ARHGEF28: variants seen among roughly 807,000 people sequenced by gnomAD.
ARHGEF28 encodes Rho guanine nucleotide exchange factor 28.
Under a neutral mutation model 206.6 loss-of-function variants are expected in ARHGEF28, and 152 were observed. The observed-to-expected ratio is 0.74, with a 90% confidence interval of 0.64 to 0.84. The LOEUF (loss-of-function observed/expected upper bound fraction) is 0.84. Among genes scored for constraint, ARHGEF28 ranks in the 40% least tolerant of loss-of-function variants. The probability of loss-of-function intolerance (pLI) is 0.00; values close to 1 mark genes in which losing one functional copy is unlikely to be tolerated. For synonymous variants in ARHGEF28, 763 were observed against 776.4 expected, an observed-to-expected ratio of 0.98 and a Z score of 0.29; for missense variants, 2,028 against 2,073.2, an observed-to-expected ratio of 0.98 and a Z score of 0.42.
intron 9 of ARHGEF28, among the ~76,000 whole-genome samples, chr5:73,828,254 A>G (rs1039905608): frequency 6.6e-6 from 1 of 152,192 alleles, no homozygotes; most frequent in African/African-American, 2.4e-5. Context: ...TGTTGAAGTT[A>G]ATAAAGGAGT....
chr5:73,913,747 G>C (rs1224357321), intron 35 of ARHGEF28, among the ~76,000 whole-genome samples: 1 of 152,186 alleles, frequency 6.6e-6, no homozygotes. Flanking sequence ...CACTACTGAG[G>C]ATCTCCATAG....
intron 21 of ARHGEF28, among the ~76,000 whole-genome samples, chr5:73,872,278 A>G (rs866200544): frequency 4.7e-4 from 71 of 152,226 alleles, no homozygotes; most frequent in African/African-American, 1.6e-3. Flanking sequence ...GGCCATTTGT[A>G]TATCCTTTTG....
chr5:73,932,954 G>A (rs1305521936), intron 35 of ARHGEF28, among the ~76,000 whole-genome samples: 5 of 151,294 alleles, frequency 3.3e-5, no homozygotes, highest in Non-Finnish European at 7.4e-5. Flanking sequence ...GACTACAGGC[G>A]CGCGCCACCA....
At chr5:73,803,110 G>T (rs574560550) in intron 9 of ARHGEF28, among the ~76,000 whole-genome samples, 1 of 152,256 alleles carries the variant, frequency 6.6e-6, no homozygotes, top group African/African-American at 2.4e-5. Flanking sequence ...CTTACTTGAA[G>T]CATGGGCAAG....
chr5:73,661,163 G>T (rs1359499931), intron 1 of ARHGEF28, among the ~76,000 whole-genome samples: 1 of 152,232 alleles, frequency 6.6e-6, no homozygotes, highest in African/African-American at 2.4e-5. Context: ...ATAACTTGCT[G>T]CAGAGTCTAC....
chr5:73,714,001 G>T (rs1749419727), intron 2 of ARHGEF28, among the ~76,000 whole-genome samples: 2 of 152,138 alleles, frequency 1.3e-5, no homozygotes, highest in Admixed American at 6.5e-5. Flanking sequence ...TTGGATTTTA[G>T]ACCTAAATAA....
chr5:73,862,506 C>G (rs1759458272), intron 16 of ARHGEF28, among the ~76,000 whole-genome samples: 2 of 152,058 alleles, frequency 1.3e-5, no homozygotes, highest in Admixed American at 6.6e-5. Context: ...GGTCCTTGCT[C>G]TTTTCCTTGA....
In ARHGEF28 at chr5:73,909,653, G is replaced by A; in HGVS notation, c.4403G>A (p.Arg1468Lys). ...CEQQQRAQAT[R>K]ESWLQERERE... is the part of the protein sequence containing the mutation. ...CAGCAGCAGCGGGCGCAGGCGACCA[G>A]GGAGAGCTGGCTGCAGGAGCGGGAG... The change falls in exon 34 of 36, where the codon AGG (arginine) becomes AAG (lysine). Residue 1468 changes from arginine to lysine, a missense_variant. Coordinates refer to ENST00000513042, the MANE Select transcript of ARHGEF28 (RefSeq NM_001177693.2). 2 of 1,546,420 alleles carry A rather than the reference G, an allele frequency of 1.3e-6. No individual in the cohort carries two copies. The highest frequency in any genetic ancestry group is 2.4e-5 in the East Asian group (1 of 40,864).
chr5:73,854,289 T>C lies in ARHGEF28; in HGVS notation c.1790+1597T>C, dbSNP rs1395566702. ...TCTCTTATTTGTATTAATCACTTAG[T>C]TTCTAGAAAAGGGGACATCCATGTA... On this transcript the variant is annotated intron_variant, in intron 14 of 35. Transcript: ENST00000513042. 3.9e-5 allele frequency among the ~76,000 whole-genome samples: 6 copies of C among 152,306 alleles called. No homozygotes were observed. The East Asian group carries it at 1.2e-3, about 29-fold the overall frequency.
At chr5:73,799,289 A>G (rs147853122) in intron 9 of ARHGEF28, among the ~76,000 whole-genome samples, 1 of 152,344 alleles carries the variant, frequency 6.6e-6, no homozygotes, top group African/African-American at 2.4e-5. Context: ...CTGGAATCCC[A>G]ATTGCAAACA....
intron 1 of ARHGEF28, among the ~76,000 whole-genome samples, chr5:73,677,467 C>G (rs1746779593): frequency 6.6e-6 from 1 of 152,196 alleles, no homozygotes. Context: ...GTTTTATAGT[C>G]ATTCTGCCTT....
chr5:73,826,008 G>C (rs1245664912), intron 9 of ARHGEF28, among the ~76,000 whole-genome samples: 1 of 152,148 alleles, frequency 6.6e-6, no homozygotes, highest in Non-Finnish European at 1.5e-5. Context: ...AGAGAGTGGA[G>C]TTTGAGGACT....
chr5:73,816,703 C>T (rs766280966), intron 9 of ARHGEF28, among the ~76,000 whole-genome samples: 2 of 152,166 alleles, frequency 1.3e-5, no homozygotes, highest in African/African-American at 4.8e-5. Flanking sequence ...ATGCCTTCAG[C>T]GGGAAGGTAA....
At chr5:73,857,071 T>C (rs1759090336) in intron 14 of ARHGEF28, among the ~76,000 whole-genome samples, 1 of 152,182 alleles carries the variant, frequency 6.6e-6, no homozygotes, top group South Asian at 2.1e-4. Context: ...GGAGTATCCA[T>C]AGCCTCTCTC....
intron 11 of ARHGEF28, among the ~76,000 whole-genome samples, chr5:73,841,627 C>A (rs1757993725): frequency 6.6e-6 from 1 of 150,424 alleles, no homozygotes; most frequent in Non-Finnish European, 1.5e-5. Flanking sequence ...ATCGCTTGAA[C>A]CTGGGAGGCA....
intron 2 of ARHGEF28, among the ~76,000 whole-genome samples, chr5:73,708,884 CTT>C (rs1360714463): frequency 1.3e-5 from 2 of 152,140 alleles, no homozygotes; most frequent in African/African-American, 4.8e-5. Context: ...TATTTTTTGA[CTT>C]TTTAATAGTA....
intron 4 of ARHGEF28, among the ~76,000 whole-genome samples, chr5:73,767,533 G>A (rs2112435179): frequency 6.6e-6 from 1 of 152,240 alleles, no homozygotes; most frequent in South Asian, 2.1e-4. Flanking sequence ...ACAGCATTTT[G>A]CTCCTGTGCT....
chr5:73,682,389 G>A (rs1254132754), intron 1 of ARHGEF28, among the ~76,000 whole-genome samples: 1 of 151,290 alleles, frequency 6.6e-6, no homozygotes, highest in Non-Finnish European at 1.5e-5. Flanking sequence ...ATCCTCTGGG[G>A]ATTACTGTAC....
chr5:73,645,662 T>G (rs2112151341), intron 1 of ARHGEF28, among the ~76,000 whole-genome samples: 1 of 152,326 alleles, frequency 6.6e-6, no homozygotes, highest in Non-Finnish European at 1.5e-5. Flanking sequence ...ACTAACAAAA[T>G]TAATGCAGAG....
Sources: gnomAD v4.1 joint callset for allele counts (sites outside exome capture counted in the v4.1 genomes callset) on GRCh38, gnomAD v4.1.1 for gene constraint, MANE v1.5 for transcripts, NCBI Gene and HGNC (gene_info 2026-07-23, HGNC 2026-07-21) for gene names.